Variants in SPTSSA observed in about 807,000 individuals in gnomAD.
The protein encoded by SPTSSA is serine palmitoyltransferase small subunit A, also known as small subunit of serine palmitoyltransferase A.
SPTSSA carries 8 observed loss-of-function variants against 9.1 expected under a neutral mutation model. The observed-to-expected ratio is 0.88, with a 90% CI of 0.51 to 1.58. The LOEUF is 1.58. Among genes scored for constraint, SPTSSA ranks in the 40% most tolerant of loss-of-function variants. The pLI is 0.00. For missense variants in SPTSSA, 100 were observed against 93.8 expected, an observed-to-expected ratio of 1.07 and a Z score of -0.27; for synonymous variants, 42 against 37.7, an observed-to-expected ratio of 1.11 and a Z score of -0.41.
chr14:34,456,092 G>C (rs1005182543), intron 1 of SPTSSA, among the ~76,000 whole-genome samples: 1 of 152,074 alleles, frequency 6.6e-6, no homozygotes, highest in East Asian at 1.9e-4. Flanking sequence ...GGGAGGCGGA[G>C]GCAGGCGGAT....
At chr14:34,459,416 A>G (rs61472699) in intron 1 of SPTSSA, among the ~76,000 whole-genome samples, 39,544 of 146,732 alleles carry the variant, frequency 0.27, 6,599 homozygotes, top group African/African-American at 0.48. Flanking sequence ...CCAAGATTGC[A>G]CCACCACACT....
At chr14:34,443,703 T>G (rs550964201) in intron 1 of SPTSSA, among the ~76,000 whole-genome samples, 11 of 152,132 alleles carry the variant, frequency 7.2e-5, no homozygotes, top group Admixed American at 2.0e-4. Flanking sequence ...ACCCAGGTAA[T>G]TTTTGTATTT....
chr14:34,447,225 T>TAAAA (rs79063928), intron 1 of SPTSSA, among the ~76,000 whole-genome samples: 3 of 85,308 alleles, frequency 3.5e-5, no homozygotes, highest in Non-Finnish European at 6.8e-5. Flanking sequence ...CTCCATCTCT[T>TAAAA]AAAAAAAAAA....
At chr14:34,456,061 C>G (rs1883614600) in intron 1 of SPTSSA, among the ~76,000 whole-genome samples, 1 of 152,222 alleles carries the variant, frequency 6.6e-6, no homozygotes, top group Admixed American at 6.5e-5. Context: ...CGGTGGCTCA[C>G]ACCTATAATC....
rs935695726 is a variant in SPTSSA at position 34,443,788 on chromosome 14, G to A, written c.113-8484C>T. 5.3e-5 allele frequency among the ~76,000 whole-genome samples: 8 copies of A among 152,004 alleles called. No individual in the cohort carries two copies. The East Asian group carries it at 1.2e-3, about 22-fold the overall frequency. On this transcript the variant is annotated intron_variant, in intron 1 of 1. Coordinates refer to ENST00000298130, the MANE Select transcript of SPTSSA (RefSeq NM_138288.4). Reference sequence around the variant, plus strand: ...TGACCTCAGGGGATCCACCTGCCTCGGCCTCTCAAAGTGCTGGGATTACAG... The same window carrying A: ...TGACCTCAGGGGATCCACCTGCCTCAGCCTCTCAAAGTGCTGGGATTACAG...
rs118085546 is a variant in SPTSSA, at chr14:34,441,261, G to A, written c.113-5957C>T. Among the ~76,000 whole-genome samples the A allele has an allele frequency of 3.7e-4, 56 of 152,316 alleles. No homozygotes were observed. The East Asian group carries it at 0.01, about 28-fold the overall frequency. On this transcript the variant is annotated intron_variant, in intron 1 of 1. Transcript: ENST00000298130. ...GAACATAAGGCCGATTCACACTTCA[G>A]TTATGACAGGAAATAGCCTCCCCAT... is the stretch of plus-strand genomic sequence containing the variant.
chr14:34,452,141 C>A (rs903238526), intron 1 of SPTSSA, among the ~76,000 whole-genome samples: 1 of 150,494 alleles, frequency 6.6e-6, no homozygotes, highest in African/African-American at 2.4e-5. Context: ...CCCAGCTACT[C>A]GGGAGGCTAA....
At chr14:34,457,404 T>A (rs1196743552) in intron 1 of SPTSSA, among the ~76,000 whole-genome samples, 1 of 152,178 alleles carries the variant, frequency 6.6e-6, no homozygotes, top group African/African-American at 2.4e-5. Flanking sequence ...GGGATGCCAG[T>A]AGGGAAAGGA....
chr14:34,445,803 G>A (rs1438606068), intron 1 of SPTSSA, among the ~76,000 whole-genome samples: 1 of 152,186 alleles, frequency 6.6e-6, no homozygotes, highest in Non-Finnish European at 1.5e-5. Context: ...AAATTCTAAT[G>A]TCTAAGTATA....
intron 1 of SPTSSA, among the ~76,000 whole-genome samples, chr14:34,456,941 T>C (rs892902470): frequency 6.8e-6 from 1 of 146,798 alleles, no homozygotes; most frequent in East Asian, 2.0e-4. Context: ...AGCACACTTC[T>C]GATTCAAATT....
At chr14:34,443,237 G>GTGTGTGTGTT (rs1883358555) in intron 1 of SPTSSA, among the ~76,000 whole-genome samples, 1 of 72,810 alleles carries the variant, frequency 1.4e-5, no homozygotes, top group Admixed American at 1.6e-4. Flanking sequence ...GTGTGTGTGT[G>GTGTGTGTGTT]TTTTGAGATG....
intron 1 of SPTSSA, among the ~76,000 whole-genome samples, chr14:34,441,212 A>C (rs1241251024): frequency 6.6e-6 from 1 of 152,202 alleles, no homozygotes; most frequent in Non-Finnish European, 1.5e-5. Context: ...CCAGTGAGGC[A>C]GGAAAATAGG....
chr14:34,458,335 T>A (rs887467577), intron 1 of SPTSSA, among the ~76,000 whole-genome samples: 4 of 151,506 alleles, frequency 2.6e-5, no homozygotes, highest in Admixed American at 2.0e-4. Context: ...TGGCGTACAC[T>A]ACTACACCCG....
intron 1 of SPTSSA, among the ~76,000 whole-genome samples, chr14:34,438,098 G>A (rs75692047): frequency 0.12 from 18,158 of 152,002 alleles, 1,228 homozygotes; most frequent in East Asian, 0.28. Flanking sequence ...CCACCACGCC[G>A]AGCTGGCCAA....
At chr14:34,457,868 A>T (rs1211245658) in intron 1 of SPTSSA, among the ~76,000 whole-genome samples, 7 of 149,068 alleles carry the variant, frequency 4.7e-5, no homozygotes, top group African/African-American at 1.7e-4. Context: ...GCTACTTGGG[A>T]GGCTGAGGCA....
chr14:34,438,778 G>T (rs1883277319), intron 1 of SPTSSA, among the ~76,000 whole-genome samples: 1 of 152,084 alleles, frequency 6.6e-6, no homozygotes, highest in Non-Finnish European at 1.5e-5. Flanking sequence ...AATGATAAAT[G>T]ATTAAGGCAT....
chr14:34,447,080 C>T (rs1019230327), intron 1 of SPTSSA, among the ~76,000 whole-genome samples: 3 of 151,654 alleles, frequency 2.0e-5, no homozygotes, highest in Admixed American at 6.6e-5. Context: ...AAAAATTAGC[C>T]GGCCGTGGTG....
chr14:34,456,948 A>AATTATTATTATT (rs201859323), intron 1 of SPTSSA, among the ~76,000 whole-genome samples: 3,529 of 146,158 alleles, frequency 0.024, 59 homozygotes, highest in Middle Eastern at 0.075. Context: ...TTCTGATTCA[A>AATTATTATTATT]ATTATTATTA....
Position 34,462,154 on chromosome 14 carries a change from GTA to G in SPTSSA, c.52_53del (p.Tyr18ProfsTer50). 1 of 1,533,238 alleles carries G rather than the reference GTA, an allele frequency of 6.5e-7. No homozygotes were observed. The highest frequency in any genetic ancestry group is 8.8e-7 in the Non-Finnish European group (1 of 1,135,976). 95.0% of individuals were successfully genotyped at this position (1,533,238 alleles called of 1,614,324 possible). ...RAWKQMSWFY[Y>X]QYLLVTALYM... The stretch of plus-strand genomic sequence containing the variant: ...AGAGCGCCGTGACCAGCAGGTACTG[GTA>G]GTAGAACCAGGACATCTGCTTCCAG... On this transcript the variant is annotated frameshift_variant, in exon 1 of 2. Coordinates refer to ENST00000298130, the MANE Select transcript of SPTSSA (RefSeq NM_138288.4). LOFTEE classifies it high-confidence loss of function.
Sources: allele counts gnomAD v4.1 joint callset (sites outside exome capture counted in the v4.1 genomes callset), GRCh38; gene constraint gnomAD v4.1.1; transcripts MANE v1.5; gene names NCBI Gene and HGNC (gene_info 2026-07-23, HGNC 2026-07-21).